The following DSCAM variants were observed in gnomAD, a reference collection of about 807,000 sequenced individuals.
DSCAM encodes cell adhesion molecule DSCAM.
DSCAM carries 47 observed loss-of-function variants against 217.7 expected under a neutral mutation model. The observed-to-expected ratio is 0.22, with a 90% CI of 0.17 to 0.28. The LOEUF is 0.28. Ranked by LOEUF, DSCAM falls within the 10% of genes least tolerant of loss-of-function variation. The pLI is 1.00. For synonymous variants in DSCAM, 1,056 were observed against 1,015.3 expected (o/e 1.04, Z -0.76); for missense variants, 2,080 against 2,618.3 (o/e 0.79, Z 4.49).
intron 1 of DSCAM, among the ~76,000 whole-genome samples, chr21:40,816,658 G>C (rs533396195): frequency 3.9e-5 from 6 of 152,280 alleles, no homozygotes; most frequent in African/African-American, 1.2e-4. Context: ...CTGGTGCTGC[G>C]ATCTGCAATA....
chr21:40,528,454 T>C (rs960601960), intron 3 of DSCAM, among the ~76,000 whole-genome samples: 1 of 152,220 alleles, frequency 6.6e-6, no homozygotes, highest in African/African-American at 2.4e-5. Flanking sequence ...GAATAATGCA[T>C]AGCCATTGCC....
chr21:40,724,319 C>T (rs556855289), intron 1 of DSCAM, among the ~76,000 whole-genome samples: 2 of 151,938 alleles, frequency 1.3e-5, no homozygotes, highest in East Asian at 1.9e-4. Context: ...CCTTAGGATT[C>T]GGAAGCATAA....
intron 1 of DSCAM, among the ~76,000 whole-genome samples, chr21:40,825,898 C>T (rs1171669341): frequency 6.6e-6 from 1 of 152,118 alleles, no homozygotes; most frequent in African/African-American, 2.4e-5. Context: ...TAAAGTAGAA[C>T]TGAAGAGACA....
chr21:40,166,183 C>G (rs1359197630), intron 16 of DSCAM, among the ~76,000 whole-genome samples: 2 of 152,036 alleles, frequency 1.3e-5, no homozygotes, highest in Non-Finnish European at 2.9e-5. Flanking sequence ...AACAATCAAA[C>G]AAACAAACAG....
At chr21:40,054,953 T>C (rs1235103176) in intron 29 of DSCAM, among the ~76,000 whole-genome samples, 2 of 152,216 alleles carry the variant, frequency 1.3e-5, no homozygotes, top group Non-Finnish European at 2.9e-5. Context: ...CTATGTGACA[T>C]TTACAGAATT....
At chr21:40,230,506 T>C (rs1395868199) in intron 11 of DSCAM, among the ~76,000 whole-genome samples, 6 of 152,174 alleles carry the variant, frequency 3.9e-5, no homozygotes, top group South Asian at 2.1e-4. Context: ...CCCTCTTTTA[T>C]TTCTTTCTCT....
At chr21:40,260,171 A>C (rs2073431143) in intron 11 of DSCAM, among the ~76,000 whole-genome samples, 1 of 152,180 alleles carries the variant, frequency 6.6e-6, no homozygotes, top group Non-Finnish European at 1.5e-5. Flanking sequence ...CATCTTTGGA[A>C]TGAGAAGATC....
intron 8 of DSCAM, among the ~76,000 whole-genome samples, chr21:40,318,923 G>C (rs76867895): frequency 0.025 from 3,820 of 152,184 alleles, 157 homozygotes; most frequent in African/African-American, 0.087. Context: ...GGAATTCTTT[G>C]GCCCTGCCTT....
intron 11 of DSCAM, among the ~76,000 whole-genome samples, chr21:40,264,939 C>T (rs1014623097): frequency 4.4e-5 from 6 of 137,840 alleles, no homozygotes; most frequent in Non-Finnish European, 7.6e-5. Context: ...TGGCTCACGC[C>T]TGACTTTGGG....
At position 40,012,290 on chromosome 21, in the gene DSCAM, G is replaced by A. The variant is rs2088069478; in HGVS notation, c.*744C>T. On this transcript the variant is annotated 3_prime_UTR_variant, in exon 33 of 33. Transcript: ENST00000400454. ...TGGAGATTCCTGAGGAGTTCAGGGT[G>A]TTAGTATCGACTCTGGTTTATTGAA... 6.6e-6 allele frequency: 1 copy of A among 152,196 alleles called. No individual in the cohort carries two copies. The highest frequency in any genetic ancestry group is 2.4e-5 in the African/African-American group (1 of 41,454). The allele number at this position is 152,196 out of a possible 1,614,324, so 9.4% of individuals were successfully genotyped here. A position where few individuals can be genotyped will look rare whatever the true frequency, so the allele number is the denominator to read the frequency against.
intron 1 of DSCAM, among the ~76,000 whole-genome samples, chr21:40,821,029 T>C (rs913168260): frequency 2.7e-5 from 4 of 150,276 alleles, no homozygotes; most frequent in Admixed American, 6.7e-5. Flanking sequence ...TTCGCAGATA[T>C]ATATATATCT....
At chr21:40,295,194 A>AT (rs2073940795) in intron 10 of DSCAM, among the ~76,000 whole-genome samples, 1 of 152,078 alleles carries the variant, frequency 6.6e-6, no homozygotes, top group East Asian at 1.9e-4. Context: ...AAAAAAAAAA[A>AT]GGTCATGATT....
chr21:40,036,351 A>C (rs1459279753), intron 32 of DSCAM, among the ~76,000 whole-genome samples: 1 of 149,706 alleles, frequency 6.7e-6, no homozygotes, highest in Non-Finnish European at 1.5e-5. Flanking sequence ...CCAATCCCAC[A>C]GAAATACAAA....
At chr21:40,248,747 G>A (rs1261346169) in intron 11 of DSCAM, among the ~76,000 whole-genome samples, 1 of 152,136 alleles carries the variant, frequency 6.6e-6, no homozygotes, top group Non-Finnish European at 1.5e-5. Flanking sequence ...CTTTTCAGCA[G>A]TGCCCCACTC....
At chr21:40,829,457 C>T (rs924749294) in intron 1 of DSCAM, among the ~76,000 whole-genome samples, 4 of 152,112 alleles carry the variant, frequency 2.6e-5, no homozygotes, top group African/African-American at 7.2e-5. Context: ...GTGTGTGCAG[C>T]GAGAGCTCCT....
At chr21:40,462,221 G>A (rs2075811683) in intron 3 of DSCAM, among the ~76,000 whole-genome samples, 1 of 152,114 alleles carries the variant, frequency 6.6e-6, no homozygotes, top group African/African-American at 2.4e-5. Context: ...CCCACAAACA[G>A]GAACCCAAGA....
At chr21:40,156,573 A>T (rs2090481772) in intron 16 of DSCAM, among the ~76,000 whole-genome samples, 1 of 152,216 alleles carries the variant, frequency 6.6e-6, no homozygotes, top group South Asian at 2.1e-4. Flanking sequence ...GCACTGCTAT[A>T]AAGCTACCTG....
intron 19 of DSCAM, among the ~76,000 whole-genome samples, chr21:40,125,012 A>C (rs1297472191): frequency 6.6e-6 from 1 of 152,116 alleles, no homozygotes; most frequent in East Asian, 1.9e-4. Flanking sequence ...TGGATCCTGA[A>C]TTTGAGAAGC....
chr21:40,083,595 T>C (rs2089492330), intron 24 of DSCAM, among the ~76,000 whole-genome samples: 1 of 152,242 alleles, frequency 6.6e-6, no homozygotes. Flanking sequence ...TGACTTTGTG[T>C]TGACAAAATA....
Sources: gnomAD v4.1 joint callset for allele counts (sites outside exome capture counted in the v4.1 genomes callset) on GRCh38, gnomAD v4.1.1 for gene constraint, MANE v1.5 for transcripts, NCBI Gene and HGNC (gene_info 2026-07-23, HGNC 2026-07-21) for gene names.